The following GATAD2A variants were observed in gnomAD, a reference collection of about 807,000 sequenced individuals.
GATAD2A encodes GATA zinc finger domain containing 2A.
Under a neutral mutation model 68.5 loss-of-function variants are expected in GATAD2A, and 12 were observed. The observed-to-expected ratio is 0.18, with a 90% CI of 0.11 to 0.28. The LOEUF (loss-of-function observed/expected upper bound fraction) is 0.28, where lower values mean the gene tolerates loss of function less well. Ranked by LOEUF, GATAD2A falls within the 10% of genes least tolerant of loss-of-function variation. The pLI is 1.00. For synonymous variants in GATAD2A, 410 were observed against 375.3 expected (o/e 1.09, Z -1.07); for missense variants, 755 against 868.5 (o/e 0.87, Z 1.64).
chr19:19,475,912 G>A (rs1478228623), intron 2 of GATAD2A, among the ~76,000 whole-genome samples: 1 of 152,172 alleles, frequency 6.6e-6, no homozygotes, highest in Non-Finnish European at 1.5e-5. Flanking sequence ...ATAACAGACT[G>A]CCCTGTTTCT....
chr19:19,447,823 T>C (rs1343134019), intron 1 of GATAD2A, among the ~76,000 whole-genome samples: 1 of 152,200 alleles, frequency 6.6e-6, no homozygotes, highest in African/African-American at 2.4e-5. Context: ...TGGCAACAGA[T>C]GAATTTTTGG....
intron 1 of GATAD2A, among the ~76,000 whole-genome samples, chr19:19,452,270 C>T (rs1754005237): frequency 6.6e-6 from 1 of 152,104 alleles, no homozygotes; most frequent in South Asian, 2.1e-4. Context: ...TTCTTGTTGC[C>T]CTTGGCTTCC....
intron 2 of GATAD2A, chr19:19,474,281 T>A: frequency 2.4e-6 from 1 of 415,124 alleles, no homozygotes; most frequent in Non-Finnish European, 3.2e-6. Flanking sequence ...GCTCTCCTGG[T>A]GTGCCCGAGA....
intron 1 of GATAD2A, among the ~76,000 whole-genome samples, chr19:19,415,966 T>C (rs1032861352): frequency 3.3e-5 from 5 of 150,454 alleles, no homozygotes; most frequent in Non-Finnish European, 7.4e-5. Flanking sequence ...TGGTTTTTTT[T>C]CCCCCCCAAG....
At chr19:19,488,500 GA>G (rs1374774217) in intron 2 of GATAD2A, among the ~76,000 whole-genome samples, 2 of 152,242 alleles carry the variant, frequency 1.3e-5, no homozygotes, top group African/African-American at 4.8e-5. Context: ...TGGCTGAGGG[GA>G]CACTAAATAT....
At chr19:19,474,634 A>G (rs1007662159) in intron 2 of GATAD2A, among the ~76,000 whole-genome samples, 2 of 152,166 alleles carry the variant, frequency 1.3e-5, no homozygotes, top group Admixed American at 1.3e-4. Flanking sequence ...TGGTGTGAGC[A>G]CCCGCTGCTG....
chr19:19,463,027 G>C (rs184355064), intron 1 of GATAD2A, among the ~76,000 whole-genome samples: 17 of 152,230 alleles, frequency 1.1e-4, no homozygotes, highest in African/African-American at 4.1e-4. Flanking sequence ...CATTCTCCCT[G>C]TCCACCTGGG....
At chr19:19,399,739 C>T (rs1325624947) in intron 1 of GATAD2A, among the ~76,000 whole-genome samples, 1 of 152,038 alleles carries the variant, frequency 6.6e-6, no homozygotes, top group East Asian at 1.9e-4. Context: ...AAATTACGGG[C>T]ATTTCACTAT....
intron 4 of GATAD2A, among the ~76,000 whole-genome samples, chr19:19,493,160 G>C (rs2059917644): frequency 6.6e-6 from 1 of 152,150 alleles, no homozygotes; most frequent in Non-Finnish European, 1.5e-5. Flanking sequence ...AGGATGGTCT[G>C]GATCTCTTGA....
chr19:19,404,604 C>CT (rs1275171887), upstream of GATAD2A, among the ~76,000 whole-genome samples: 2 of 152,224 alleles, frequency 1.3e-5, no homozygotes, highest in African/African-American at 4.8e-5. Flanking sequence ...ATCCGTGAAC[C>CT]TGGGAAGTGG....
intron 1 of GATAD2A, among the ~76,000 whole-genome samples, chr19:19,431,404 T>C (rs1290511713): frequency 6.6e-6 from 1 of 151,080 alleles, no homozygotes; most frequent in African/African-American, 2.4e-5. Context: ...TCAATAAATA[T>C]TTATTAAGCG....
chr19:19,506,360 G>A lies in GATAD2A; in HGVS notation c.*886G>A, dbSNP rs2060866434. The A allele has an allele frequency of 2.5e-6, 1 of 396,158 alleles. No homozygotes were observed. The highest frequency in any genetic ancestry group is 4.4e-5 in the Admixed American group (1 of 22,654). 24.5% of individuals were successfully genotyped at this position (396,158 alleles called of 1,614,324 possible). ...AGCCCTGAGCAGAAAGCTGGAGGGG[G>A]GACTGTCGCGGGGTTTTTCTGTTGT... On this transcript the variant is annotated 3_prime_UTR_variant, in exon 12 of 12. Coordinates refer to ENST00000683918, the MANE Select transcript of GATAD2A (RefSeq NM_001384528.1).
chr19:19,397,675 T>G (rs2049364013), intron 1 of GATAD2A, among the ~76,000 whole-genome samples: 1 of 152,142 alleles, frequency 6.6e-6, no homozygotes, highest in South Asian at 2.1e-4. Flanking sequence ...GCTTCTGACC[T>G]TTTTCCTTTG....
chr19:19,416,476 G>C (rs952111188), intron 1 of GATAD2A, among the ~76,000 whole-genome samples: 19 of 152,130 alleles, frequency 1.2e-4, no homozygotes, highest in Admixed American at 2.6e-4. Context: ...AAATACAGAG[G>C]GGGTTACTCT....
intron 1 of GATAD2A, among the ~76,000 whole-genome samples, chr19:19,413,553 C>A (rs545141818): frequency 6.6e-6 from 1 of 152,114 alleles, no homozygotes; most frequent in African/African-American, 2.4e-5. Flanking sequence ...CACTCTAACC[C>A]AGGGAGAGTT....
intron 1 of GATAD2A, among the ~76,000 whole-genome samples, chr19:19,428,865 AG>A (rs1382561179): frequency 6.6e-6 from 1 of 152,104 alleles, no homozygotes; most frequent in East Asian, 1.9e-4. Context: ...ATAGCATGCC[AG>A]GGGTGGGGCA....
At chr19:19,447,683 C>T (rs1333694578) in intron 1 of GATAD2A, among the ~76,000 whole-genome samples, 1 of 152,220 alleles carries the variant, frequency 6.6e-6, no homozygotes, top group Admixed American at 6.5e-5. Context: ...GTAGGTTTCC[C>T]TGCTGGCTGT....
chr19:19,402,038 A>T (rs2049799415), upstream of GATAD2A: 2 of 152,146 alleles, frequency 1.3e-5, no homozygotes, highest in Admixed American at 6.5e-5. Flanking sequence ...AATAAAGTTT[A>T]AAATGAATTT....
At position 19,457,100 on chromosome 19, in the gene GATAD2A, T is replaced by C. The variant is rs1200798782; in HGVS notation, c.-6-8240T>C. On this transcript the variant is annotated intron_variant, in intron 1 of 11. Coordinates refer to ENST00000683918, the MANE Select transcript of GATAD2A (RefSeq NM_001384528.1). Reference sequence around the variant, plus strand: ...TCCTTCAACTCAGAGCACTCCTATCTGTGACACCTCTGCCCACGCATCCAG... The same window carrying C: ...TCCTTCAACTCAGAGCACTCCTATCCGTGACACCTCTGCCCACGCATCCAG... The C allele has an allele frequency of 3.0e-6, 3 of 985,476 alleles. No homozygotes were observed. The African/African-American group carries it at 5.2e-5, about 17-fold the overall frequency. 61.0% of individuals were successfully genotyped at this position (985,476 alleles called of 1,614,324 possible).
Sources: allele counts gnomAD v4.1 joint callset (sites outside exome capture counted in the v4.1 genomes callset), GRCh38; gene constraint gnomAD v4.1.1; transcripts MANE v1.5; gene names NCBI Gene and HGNC (gene_info 2026-07-23, HGNC 2026-07-21).